Variants in CACNA1C observed in about 807,000 individuals in gnomAD.
The protein encoded by CACNA1C is voltage-dependent L-type calcium channel subunit alpha-1C.
Under a neutral mutation model 229.0 loss-of-function variants are expected in CACNA1C, and 30 were observed. That is an observed-to-expected ratio of 0.13 (90% CI 0.10 to 0.18). The LOEUF is 0.18. CACNA1C is among the 10% of genes least tolerant of loss of function. The pLI is 1.00. For missense variants in CACNA1C, 1,658 were observed against 2,845.0 expected (o/e 0.58, Z 9.49); for synonymous variants, 1,114 against 1,132.5 (o/e 0.98, Z 0.33).
At chr12:2,021,689 A>G (rs1445300505) in intron 1 of CACNA1C, among the ~76,000 whole-genome samples, 2 of 152,050 alleles carry the variant, frequency 1.3e-5, no homozygotes, top group Admixed American at 6.5e-5. Context: ...TAAAAAAAAA[A>G]AGACATCTTT....
intron 3 of CACNA1C, among the ~76,000 whole-genome samples, chr12:2,381,896 C>G (rs1215765425): frequency 6.6e-6 from 1 of 152,238 alleles, no homozygotes; most frequent in Non-Finnish European, 1.5e-5. Context: ...ATAGAAACAA[C>G]TCTGAGAATC....
At chr12:2,299,604 A>C (rs2094394353) in intron 3 of CACNA1C, among the ~76,000 whole-genome samples, 1 of 152,156 alleles carries the variant, frequency 6.6e-6, no homozygotes, top group Non-Finnish European at 1.5e-5. Context: ...CCTCATCCAC[A>C]TTGGCCGGAA....
intron 5 of CACNA1C, among the ~76,000 whole-genome samples, chr12:2,469,497 G>T (rs1228079489): frequency 6.6e-6 from 1 of 152,234 alleles, no homozygotes; most frequent in African/African-American, 2.4e-5. Flanking sequence ...GGCACAAGTT[G>T]TAGACATCTT....
chr12:2,529,916 A>G (rs1374791445), intron 9 of CACNA1C, among the ~76,000 whole-genome samples: 2 of 152,254 alleles, frequency 1.3e-5, no homozygotes, highest in Non-Finnish European at 2.9e-5. Flanking sequence ...TTGCTTCTTT[A>G]CAACTAGAAA....
chr12:2,498,688 A>G (rs2099752261), intron 7 of CACNA1C, among the ~76,000 whole-genome samples: 1 of 152,212 alleles, frequency 6.6e-6, no homozygotes, highest in Non-Finnish European at 1.5e-5. Flanking sequence ...GGAGCAGGAC[A>G]GCCCTGAGGG....
In CACNA1C at chr12:2,678,236, A is replaced by G. The variant is rs1603449757; in HGVS notation, c.5091+369A>G. ...TGTTTGTTAATATTTGAAAATCAAG[A>G]CTTCTGGCATTCTTTGGAAAAGTCA... On this transcript the variant is annotated intron_variant, in intron 41 of 46. Transcript: ENST00000399655. The surrounding 1 kb of genome is among the most constrained non-coding windows in gnomAD (Gnocchi z 4.1). 6.6e-6 allele frequency among the ~76,000 whole-genome samples: 1 copy of G among 152,314 alleles called. No homozygotes were observed. The highest frequency in any genetic ancestry group is 1.9e-4 in the East Asian group (1 of 5,168).
At chr12:2,040,891 C>G (rs1245125871) in intron 1 of CACNA1C, among the ~76,000 whole-genome samples, 1 of 152,192 alleles carries the variant, frequency 6.6e-6, no homozygotes, top group Non-Finnish European at 1.5e-5. Context: ...AACTGATACT[C>G]AAAGAACATT....
chr12:2,525,447 G>T lies in CACNA1C; in HGVS notation c.1390+12463G>T, dbSNP rs116580092. On this transcript the variant is annotated intron_variant, in intron 9 of 46. Transcript: ENST00000399655. Reference sequence around the variant, plus strand: ...TTCAGCCTCAGGAATGATGGAGGAGGTTGTGCAGTGCCATGCCCCTCTGAG... The same window carrying T: ...TTCAGCCTCAGGAATGATGGAGGAGTTTGTGCAGTGCCATGCCCCTCTGAG... Among the ~76,000 whole-genome samples, 431 of 152,322 alleles carry T rather than the reference G, an allele frequency of 2.8e-3. 1 individual carries two copies. Among genetic ancestry groups the T allele is most frequent in the African/African-American group, 9.6e-3 (401 of 41,572 alleles).
Position 2,599,494 on chromosome 12 carries a change from C to T in CACNA1C, c.2853+2205C>T, listed in dbSNP as rs558387778. On this transcript the variant is annotated intron_variant, in intron 21 of 46. Transcript: ENST00000399655. ...AAGAGGAAGAAGGCAGAATCAAGAC[C>T]AATGAGTAGAAATCACAAAAAAAGA... Among the ~76,000 whole-genome samples, 44 of 152,274 alleles carry T rather than the reference C, an allele frequency of 2.9e-4. 1 individual carries two copies. The highest frequency in any genetic ancestry group is 1.0e-3 in the African/African-American group (43 of 41,540).
At chr12:2,301,070 G>A (rs143520184) in intron 3 of CACNA1C, among the ~76,000 whole-genome samples, 314 of 152,286 alleles carry the variant, frequency 2.1e-3, no homozygotes, top group African/African-American at 6.4e-3. Context: ...CATACACTCC[G>A]TGTCCTGTCG....
chr12:2,127,131 A>C (rs1230124296), intron 3 of CACNA1C, among the ~76,000 whole-genome samples: 2 of 152,156 alleles, frequency 1.3e-5, no homozygotes, highest in East Asian at 3.9e-4. Context: ...CCCACCCCTG[A>C]GCTTTGTGTG....
intron 28 of CACNA1C, among the ~76,000 whole-genome samples, chr12:2,611,226 C>A (rs1478610343): frequency 7.1e-5 from 8 of 112,570 alleles, no homozygotes; most frequent in Admixed American, 9.1e-5. Flanking sequence ...GTTGGTTGAT[C>A]AATGGAGAGA....
chr12:2,110,725 A>G (rs779943664), intron 1 of CACNA1C, among the ~76,000 whole-genome samples: 5 of 152,172 alleles, frequency 3.3e-5, no homozygotes, highest in Non-Finnish European at 5.9e-5. Flanking sequence ...GAACATTTCA[A>G]GTGCTCAGGA....
chr12:2,003,393 T>G (rs548805293), intron 1 of CACNA1C, among the ~76,000 whole-genome samples: 13 of 152,370 alleles, frequency 8.5e-5, no homozygotes, highest in African/African-American at 3.1e-4. Flanking sequence ...TATTTTAAAA[T>G]GATGGATATC....
intron 1 of CACNA1C, among the ~76,000 whole-genome samples, chr12:2,077,833 GT>G (rs1360396245): frequency 2.0e-5 from 3 of 152,202 alleles, no homozygotes; most frequent in Non-Finnish European, 4.4e-5. Flanking sequence ...GGGGCTTGCT[GT>G]GTCACCTTTG....
At chr12:2,454,424 G>A (rs758585976) in intron 4 of CACNA1C, among the ~76,000 whole-genome samples, 52 of 152,026 alleles carry the variant, frequency 3.4e-4, no homozygotes, top group African/African-American at 9.7e-4. Flanking sequence ...TGACTCCCAC[G>A]ATCCCTTCGT....
At chr12:2,079,109 T>A (rs2064410185) in intron 1 of CACNA1C, among the ~76,000 whole-genome samples, 2 of 115,132 alleles carry the variant, frequency 1.7e-5, no homozygotes, top group East Asian at 5.6e-4. Flanking sequence ...AAGGGGTACA[T>A]CACACACCAG....
At chr12:2,359,650 G>A (rs182064291) in intron 3 of CACNA1C, among the ~76,000 whole-genome samples, 1 of 151,958 alleles carries the variant, frequency 6.6e-6, no homozygotes, top group African/African-American at 2.4e-5. Context: ...GAGAAAAGCG[G>A]GGAAATGATT....
At position 2,680,149 on chromosome 12, in the gene CACNA1C, A is replaced by T. The variant is rs147071807; in HGVS notation, c.5444+353A>T. Reference sequence around the variant, plus strand: ...TGCCCTTCCCCGAGTCTCTGCCCAAACCTGGCCTTTCTCCCAGCCGAGATG... The same window carrying T: ...TGCCCTTCCCCGAGTCTCTGCCCAATCCTGGCCTTTCTCCCAGCCGAGATG... On this transcript the variant is annotated intron_variant, in intron 42 of 46. Transcript: ENST00000399655. Among the ~76,000 whole-genome samples the T allele has an allele frequency of 3.8e-3, 571 of 152,090 alleles. 3 individuals are homozygous for T. The highest frequency in any genetic ancestry group is 0.01 in the Middle Eastern group (3 of 294).
Sources: allele counts gnomAD v4.1 joint callset (sites outside exome capture counted in the v4.1 genomes callset), GRCh38; gene constraint gnomAD v4.1.1; non-coding constraint Gnocchi (gnomAD v3.1); transcripts MANE v1.5; gene names NCBI Gene and HGNC (gene_info 2026-07-23, HGNC 2026-07-21).